GPC6: variants seen among roughly 807,000 people sequenced by gnomAD.
GPC6 encodes the protein glypican-6.
GPC6 carries 14 observed loss-of-function variants against 55.2 expected under a neutral mutation model. That is an observed-to-expected ratio of 0.25 (90% CI 0.17 to 0.40). The LOEUF is 0.40. Among genes scored for constraint, GPC6 ranks in the 10% least tolerant of loss-of-function variants. The pLI is 1.00. For synonymous variants in GPC6, 278 were observed against 259.6 expected, an observed-to-expected ratio of 1.07 and a Z score of -0.68; for missense variants, 641 against 708.5, an observed-to-expected ratio of 0.90 and a Z score of 1.08.
At chr13:94,368,842 C>T (rs1411706569) in intron 6 of GPC6, among the ~76,000 whole-genome samples, 1 of 152,262 alleles carries the variant, frequency 6.6e-6, no homozygotes, top group Middle Eastern at 3.4e-3. Flanking sequence ...TTGGTGCTGT[C>T]AGAAAAGACC....
intron 1 of GPC6, among the ~76,000 whole-genome samples, chr13:93,462,599 T>C (rs1878733575): frequency 7.2e-6 from 1 of 139,026 alleles, no homozygotes; most frequent in Non-Finnish European, 1.5e-5. Context: ...CTGTAAAAGT[T>C]GGAAGAAAAA....
At chr13:94,271,049 G>A (rs1891987120) in intron 4 of GPC6, among the ~76,000 whole-genome samples, 2 of 127,788 alleles carry the variant, frequency 1.6e-5, no homozygotes, top group Admixed American at 2.1e-4. Context: ...GAGTGCAGTG[G>A]CGCAATCTCG....
intron 4 of GPC6, among the ~76,000 whole-genome samples, chr13:94,092,914 T>C (rs1256145187): frequency 6.6e-6 from 1 of 152,168 alleles, no homozygotes; most frequent in African/African-American, 2.4e-5. Context: ...TTTGACCATT[T>C]GTATGTCTTC....
chr13:93,629,551 G>A (rs1879346371), intron 2 of GPC6, among the ~76,000 whole-genome samples: 1 of 152,102 alleles, frequency 6.6e-6, no homozygotes, highest in Non-Finnish European at 1.5e-5. Flanking sequence ...TTAATAGAAA[G>A]TTAGAAAAGA....
chr13:93,324,646 A>C (rs34952178), intron 1 of GPC6, among the ~76,000 whole-genome samples: 10,354 of 148,720 alleles, frequency 0.07, 504 homozygotes, highest in East Asian at 0.12. Context: ...CAAAATATGT[A>C]CTACTATGTA....
At chr13:93,653,393 G>A (rs1051696338) in intron 2 of GPC6, among the ~76,000 whole-genome samples, 3 of 152,114 alleles carry the variant, frequency 2.0e-5, no homozygotes, top group African/African-American at 7.2e-5. Flanking sequence ...AGTGACACCA[G>A]AAAGATAATT....
chr13:94,035,806 A>G (rs573244319), intron 4 of GPC6, among the ~76,000 whole-genome samples: 3 of 151,826 alleles, frequency 2.0e-5, no homozygotes, highest in Non-Finnish European at 4.4e-5. Flanking sequence ...GTGTGTGTGG[A>G]TATATATATA....
intron 1 of GPC6, among the ~76,000 whole-genome samples, chr13:93,246,995 TTTTTC>T (rs1327276421): frequency 2.6e-5 from 4 of 151,242 alleles, no homozygotes; most frequent in East Asian, 1.9e-4. Context: ...TTTGTTCTCT[TTTTTC>T]TTTTCTTTTT....
In GPC6 at chr13:93,672,770, AATGAT is replaced by A. The variant is rs1881425938; in HGVS notation, c.319+127352_319+127356del. 3.3e-5 allele frequency among the ~76,000 whole-genome samples: 5 copies of A among 152,068 alleles called. No individual in the cohort carries two copies. The South Asian group carries it at 1.0e-3, about 32-fold the overall frequency. ...ACATTCTCTCAGTAGACAGTGATGA[AATGAT>A]ATATCAGATAGTAATATCAGTTATT... On this transcript the variant is annotated intron_variant, in intron 2 of 8. Transcript: ENST00000377047.
In GPC6 at chr13:94,366,020, TC is replaced by T. The variant is rs1879274721; in HGVS notation, c.1153-16392del. Among the ~76,000 whole-genome samples, 3 of 152,324 alleles carry T rather than the reference TC, an allele frequency of 2.0e-5. No individual in the cohort carries two copies. The South Asian group carries it at 6.2e-4, about 32-fold the overall frequency. On this transcript the variant is annotated intron_variant, in intron 6 of 8. Transcript: ENST00000377047. ...CTTTTTTAATTAGCAGACTTACTTG[TC>T]CTGGATTTCATTCCCTGAAGATGAA...
At chr13:94,302,911 C>G (rs1875731556) in intron 5 of GPC6, among the ~76,000 whole-genome samples, 1 of 152,232 alleles carries the variant, frequency 6.6e-6, no homozygotes, top group Non-Finnish European at 1.5e-5. Flanking sequence ...AATCCAGCGA[C>G]TAGTGCTTAG....
chr13:93,369,626 T>C lies in GPC6; in HGVS notation c.160+142010T>C, dbSNP rs972023519. The stretch of plus-strand genomic sequence containing the variant: ...CGTAGGTGATAATCATGTTTGGATA[T>C]TCTAGTTTGAGCAGAATTAGAAGCT... On this transcript the variant is annotated intron_variant, in intron 1 of 8. Transcript: ENST00000377047. Among the ~76,000 whole-genome samples, 23 of 152,262 alleles carry C rather than the reference T, an allele frequency of 1.5e-4. 1 individual carries two copies. The highest frequency in any genetic ancestry group is 3.8e-4 in the African/African-American group (16 of 41,578).
At chr13:94,150,489 A>T (rs1887699064) in intron 4 of GPC6, among the ~76,000 whole-genome samples, 2 of 151,910 alleles carry the variant, frequency 1.3e-5, no homozygotes, top group African/African-American at 4.8e-5. Flanking sequence ...TTCTCACCTC[A>T]ACCTACCTCC....
intron 3 of GPC6, among the ~76,000 whole-genome samples, chr13:93,981,940 G>T (rs1880822395): frequency 6.6e-6 from 1 of 151,944 alleles, no homozygotes; most frequent in Admixed American, 6.6e-5. Context: ...ATTTCATCAA[G>T]AAATATCTAA....
intron 1 of GPC6, among the ~76,000 whole-genome samples, chr13:93,246,953 TA>T (rs1418873417): frequency 4.6e-5 from 7 of 151,582 alleles, no homozygotes; most frequent in Admixed American, 3.3e-4. Flanking sequence ...TTTTCAAACT[TA>T]AAAAACTGTG....
At chr13:94,372,922 C>T (rs1334743290) in intron 6 of GPC6, among the ~76,000 whole-genome samples, 1 of 152,148 alleles carries the variant, frequency 6.6e-6, no homozygotes, top group Non-Finnish European at 1.5e-5. Flanking sequence ...CCCCAAGCAG[C>T]CTAACTGGGA....
chr13:93,571,289 T>C (rs1402450251), intron 2 of GPC6, among the ~76,000 whole-genome samples: 1 of 152,156 alleles, frequency 6.6e-6, no homozygotes, highest in East Asian at 1.9e-4. Flanking sequence ...TACTTAAGGC[T>C]GCCCTAGTTT....
At chr13:94,309,711 T>TCATCTGAGTCTATCGCAGTCCCTACCG (rs60489421) in intron 6 of GPC6, among the ~76,000 whole-genome samples, 10,922 of 151,934 alleles carry the variant, frequency 0.072, 950 homozygotes, top group East Asian at 0.43. Flanking sequence ...GAAAGCCAAC[T>TCATCTGAGTCTATCGCAGTCCCTACCG]CATCTGAGTC....
chr13:93,521,194 G>T (rs1881406531), intron 1 of GPC6, among the ~76,000 whole-genome samples: 1 of 151,812 alleles, frequency 6.6e-6, no homozygotes, highest in African/African-American at 2.4e-5. Flanking sequence ...GGAATCTGTT[G>T]AGATAATTTA....
Sources: allele counts gnomAD v4.1 joint callset (sites outside exome capture counted in the v4.1 genomes callset), GRCh38; gene constraint gnomAD v4.1.1; transcripts MANE v1.5; gene names NCBI Gene and HGNC (gene_info 2026-07-23, HGNC 2026-07-21).